CTNNA3: variants seen among roughly 807,000 people sequenced by gnomAD.
CTNNA3 encodes the protein catenin alpha-3.
A neutral mutation model predicts 95.7 loss-of-function variants in CTNNA3; 76 were observed. The observed-to-expected ratio is 0.79, with a 90% CI of 0.66 to 0.96. The LOEUF is 0.96. Ranked by LOEUF, CTNNA3 falls within the 40% of genes least tolerant of loss-of-function variation. The pLI, the probability that CTNNA3 is intolerant of heterozygous loss-of-function variation, is 0.00. For synonymous variants in CTNNA3, 431 were observed against 374.4 expected, an observed-to-expected ratio of 1.15 and a Z score of -1.74; for missense variants, 1,191 against 1,089.8, an observed-to-expected ratio of 1.09 and a Z score of -1.31.
At chr10:67,658,511 C>T (rs963010210) in intron 1 of CTNNA3, among the ~76,000 whole-genome samples, 8 of 152,114 alleles carry the variant, frequency 5.3e-5, no homozygotes, top group Non-Finnish European at 7.3e-5. Flanking sequence ...AGCTTCCCTC[C>T]GGTGGCCTCA....
intron 7 of CTNNA3, among the ~76,000 whole-genome samples, chr10:66,859,498 T>C (rs1843818002): frequency 6.6e-6 from 1 of 151,960 alleles, no homozygotes; most frequent in South Asian, 2.1e-4. Flanking sequence ...ATGGCAATCA[T>C]TAAAATGTCA....
At chr10:67,741,333 A>T (rs1393833068) in intron 1 of CTNNA3, among the ~76,000 whole-genome samples, 1 of 148,048 alleles carries the variant, frequency 6.8e-6, no homozygotes. Context: ...AAAAATAAAA[A>T]ATAAAAAAAG....
At chr10:66,885,297 G>A (rs1564743830) in intron 7 of CTNNA3, among the ~76,000 whole-genome samples, 1 of 152,102 alleles carries the variant, frequency 6.6e-6, no homozygotes, top group Admixed American at 6.6e-5. Context: ...GTTCAATAAG[G>A]TTTTTTGTGA....
At chr10:66,660,702 C>T (rs1846231536) in intron 9 of CTNNA3, among the ~76,000 whole-genome samples, 1 of 152,146 alleles carries the variant, frequency 6.6e-6, no homozygotes, top group Non-Finnish European at 1.5e-5. Context: ...ATATGTATCA[C>T]TTCTTTAATT....
intron 15 of CTNNA3, among the ~76,000 whole-genome samples, chr10:66,020,296 A>G (rs1375558881): frequency 6.6e-6 from 1 of 152,202 alleles, no homozygotes; most frequent in Non-Finnish European, 1.5e-5. Context: ...GTTTGGCCAA[A>G]TAGACAGGAG....
chr10:66,173,998 C>CA (rs900286427), intron 13 of CTNNA3, among the ~76,000 whole-genome samples: 3 of 152,010 alleles, frequency 2.0e-5, no homozygotes, highest in African/African-American at 4.8e-5. Context: ...TCCCTAGTCT[C>CA]AAAAAAATAG....
chr10:66,386,546 AC>A (rs1281116307), intron 11 of CTNNA3, among the ~76,000 whole-genome samples: 1 of 152,148 alleles, frequency 6.6e-6, no homozygotes, highest in African/African-American at 2.4e-5. Context: ...ATTCAATGCC[AC>A]CCCCATCAAG....
At chr10:66,394,591 A>G (rs939377468) in intron 11 of CTNNA3, among the ~76,000 whole-genome samples, 2 of 151,288 alleles carry the variant, frequency 1.3e-5, no homozygotes, top group African/African-American at 4.9e-5. Flanking sequence ...ATCTTTCAGG[A>G]TATTACCAGA....
At chr10:66,240,621 T>A (rs1017186958) in intron 13 of CTNNA3, among the ~76,000 whole-genome samples, 1 of 152,014 alleles carries the variant, frequency 6.6e-6, no homozygotes, top group Non-Finnish European at 1.5e-5. Context: ...AAATAGAGAT[T>A]GGGAGCAAAC....
chr10:67,685,098 A>G (rs1187338746), intron 1 of CTNNA3, among the ~76,000 whole-genome samples: 1 of 152,200 alleles, frequency 6.6e-6, no homozygotes, highest in Non-Finnish European at 1.5e-5. Flanking sequence ...GAGTAAGGAT[A>G]GATTTTGTTA....
chr10:65,936,052 G>A (rs1564525430), intron 17 of CTNNA3, among the ~76,000 whole-genome samples: 1 of 152,050 alleles, frequency 6.6e-6, no homozygotes, highest in Non-Finnish European at 1.5e-5. Context: ...CTTGGTTTCA[G>A]GCTTTTCAAT....
intron 9 of CTNNA3, among the ~76,000 whole-genome samples, chr10:66,763,919 C>A (rs1253024628): frequency 1.3e-5 from 2 of 152,176 alleles, no homozygotes; most frequent in African/African-American, 4.8e-5. Flanking sequence ...CCATTCCCTG[C>A]CAGTATGTGA....
intron 13 of CTNNA3, among the ~76,000 whole-genome samples, chr10:66,211,303 C>T (rs189373955): frequency 2.6e-5 from 4 of 152,294 alleles, no homozygotes; most frequent in Non-Finnish European, 5.9e-5. Context: ...AGTAATGTTA[C>T]ACTTCAACCT....
At chr10:66,006,421 C>T (rs574653184) in intron 15 of CTNNA3, among the ~76,000 whole-genome samples, 10 of 152,198 alleles carry the variant, frequency 6.6e-5, no homozygotes, top group East Asian at 1.9e-4. Flanking sequence ...AGTCATTATT[C>T]GTTGACACCC....
intron 5 of CTNNA3, among the ~76,000 whole-genome samples, chr10:67,410,532 A>G (rs991611526): frequency 1.3e-5 from 2 of 152,056 alleles, no homozygotes; most frequent in African/African-American, 4.8e-5. Context: ...GGAAATATAA[A>G]AAATAGTGTT....
At position 66,043,141 on chromosome 10, in the gene CTNNA3, A is replaced by G. The variant is rs1347893168; in HGVS notation, c.2159+26167T>C. On this transcript the variant is annotated intron_variant, in intron 15 of 17. Transcript: ENST00000433211. ...GGTAGCTATCCGGGTAATGAAAAAA[A>G]AAAAAAAAAAAAAGAGAGAGAGAGA... Among the ~76,000 whole-genome samples the G allele has an allele frequency of 1.1e-4, 16 of 149,584 alleles. No individual in the cohort carries two copies. In the East Asian group the frequency reaches 2.7e-3, roughly 26 times the overall value.
At position 66,803,960 on chromosome 10, in the gene CTNNA3, G is replaced by GTT. The variant is rs199784517; in HGVS notation, c.1048-28438_1048-28437dup. On this transcript the variant is annotated intron_variant, in intron 7 of 17. Coordinates refer to ENST00000433211, the MANE Select transcript of CTNNA3 (RefSeq NM_013266.4). ...CAGTTACAATTAAAAGATGCCAGTTGTTTTTTTTTTTTTTAATTTAAGCAG... is the reference window on the plus strand; with the variant it reads ...CAGTTACAATTAAAAGATGCCAGTTGTTTTTTTTTTTTTTTTAATTTAAGCAG... 2.0e-3 allele frequency among the ~76,000 whole-genome samples: 276 copies of GTT among 135,110 alleles called. 1 individual carries two copies. The highest frequency in any genetic ancestry group is 6.9e-3 in the African/African-American group (260 of 37,794). 88.6% of individuals were successfully genotyped at this position (135,110 alleles called of 152,430 possible).
chr10:67,556,664 C>A (rs891563368), intron 3 of CTNNA3, among the ~76,000 whole-genome samples: 3 of 151,908 alleles, frequency 2.0e-5, no homozygotes, highest in Non-Finnish European at 4.4e-5. Context: ...TATTAGTCTT[C>A]ATAGCAGTCT....
chr10:66,406,503 C>T (rs1459147355), intron 11 of CTNNA3, among the ~76,000 whole-genome samples: 3 of 152,026 alleles, frequency 2.0e-5, no homozygotes, highest in African/African-American at 4.8e-5. Flanking sequence ...GAGTCTTAAA[C>T]CAAAAACTAT....
Sources: allele counts gnomAD v4.1 joint callset (sites outside exome capture counted in the v4.1 genomes callset), GRCh38; gene constraint gnomAD v4.1.1; transcripts MANE v1.5; gene names NCBI Gene and HGNC (gene_info 2026-07-23, HGNC 2026-07-21).